CDC14B: variants seen among roughly 807,000 people sequenced by gnomAD.
CDC14B encodes cell division cycle 14B.
CDC14B carries 22 observed loss-of-function variants against 64.2 expected under a neutral mutation model. The observed-to-expected ratio is 0.34, with a 90% CI of 0.24 to 0.49. CDC14B has a LOEUF of 0.49. CDC14B is among the 20% of genes least tolerant of loss of function. CDC14B has a pLI of 0.99. For synonymous variants in CDC14B, 191 were observed against 215.8 expected (o/e 0.89, Z 1.01); for missense variants, 498 against 629.9 (o/e 0.79, Z 2.24).
chr9:96,505,600 A>G (rs1378602005), intron 13 of CDC14B, among the ~76,000 whole-genome samples: 2 of 152,130 alleles, frequency 1.3e-5, no homozygotes, highest in Non-Finnish European at 2.9e-5. Flanking sequence ...GGCCGATTCA[A>G]CGGAGCCAAT....
chr9:96,532,308 C>T (rs1373768981), intron 9 of CDC14B, among the ~76,000 whole-genome samples: 1 of 152,190 alleles, frequency 6.6e-6, no homozygotes, highest in African/African-American at 2.4e-5. Context: ...AATATATCAA[C>T]CCACTGCCTT....
At chr9:96,618,817 C>G (rs1847804419) in intron 1 of CDC14B, 1 of 334,154 alleles carries the variant, frequency 3.0e-6, no homozygotes, top group Admixed American at 4.4e-5. Context: ...GGGGCTGATT[C>G]AGAGGTTGTG....
At position 96,551,859 on chromosome 9, in the gene CDC14B, C is replaced by A; in HGVS notation, c.434G>T (p.Gly145Val). Residue 145 changes from glycine (G) to valine (V), a missense_variant, in exon 5 of 14, where the codon GGG becomes GTG. Physicochemically the swap from Gly to Val is moderately radical, Grantham distance 109. Transcript: ENST00000375241. Reference sequence around the variant, plus strand: ...TCTATATGCTTCTTCTGGGGTTCTCCCCAAATATATAACCTATGTTTGAAA... The same window carrying A: ...TCTATATGCTTCTTCTGGGGTTCTCACCAAATATATAACCTATGTTTGAAA... Reference protein sequence around the residue: ...LVGCYMVIYLGRTPEEAYRIL... With the variant: ...LVGCYMVIYLVRTPEEAYRIL... The A allele has an allele frequency of 6.2e-7, 1 of 1,608,188 alleles. No individual in the cohort carries two copies. The highest frequency in any genetic ancestry group is 1.3e-5 in the African/African-American group (1 of 74,724).
At chr9:96,508,017 T>A (rs1834397171) in intron 13 of CDC14B, among the ~76,000 whole-genome samples, 1 of 151,880 alleles carries the variant, frequency 6.6e-6, no homozygotes, top group African/African-American at 2.4e-5. Flanking sequence ...CTTCAGAATT[T>A]TTTTTTTTTC....
chr9:96,573,645 A>C (rs903331695), intron 1 of CDC14B, among the ~76,000 whole-genome samples: 1 of 152,230 alleles, frequency 6.6e-6, no homozygotes, highest in Non-Finnish European at 1.5e-5. Flanking sequence ...ATGCTAATAA[A>C]GGAATTAAAT....
chr9:96,518,918 C>T (rs545513568), intron 12 of CDC14B, among the ~76,000 whole-genome samples: 115 of 152,022 alleles, frequency 7.6e-4, no homozygotes, highest in Non-Finnish European at 1.4e-3. Flanking sequence ...GGGCAGATCA[C>T]GAGGTCAGGA....
rs1033734465 is a variant in CDC14B at position 96,619,735 on chromosome 9, A to G, written c.-357T>C. 4 of 150,766 alleles carry G rather than the reference A, an allele frequency of 2.7e-5. No homozygotes were observed. Among genetic ancestry groups the G allele is most frequent in the Admixed American group, 6.6e-5 (1 of 15,178 alleles). The allele number at this position is 150,766 out of a possible 1,614,324, so 9.3% of individuals were successfully genotyped here. A position where few individuals can be genotyped will look rare whatever the true frequency, so the allele number is the denominator to read the frequency against. On this transcript the variant is annotated 5_prime_UTR_variant, in exon 1 of 14. Transcript: ENST00000375241. ...GCTGGCGGCCGGAGCTGCCCGGGGT[A>G]ACCGTGCGTGCCCACCGCGGCCGCG...
chr9:96,594,299 A>T (rs1845942246), intron 1 of CDC14B, among the ~76,000 whole-genome samples: 1 of 152,228 alleles, frequency 6.6e-6, no homozygotes, highest in Non-Finnish European at 1.5e-5. Context: ...AAGAGCTCCC[A>T]GGACAGAGTA....
chr9:96,543,917 C>T (rs1840433156), intron 5 of CDC14B, among the ~76,000 whole-genome samples: 1 of 152,132 alleles, frequency 6.6e-6, no homozygotes, highest in African/African-American at 2.4e-5. Flanking sequence ...CTACTGTACA[C>T]TTAAGATTAG....
chr9:96,596,631 A>AG (rs1846095016), intron 1 of CDC14B, among the ~76,000 whole-genome samples: 1 of 152,048 alleles, frequency 6.6e-6, no homozygotes, highest in Non-Finnish European at 1.5e-5. Flanking sequence ...GAGGCCAAGG[A>AG]GGGGGGATTG....
chr9:96,493,703 T>C (rs565309607), intron 13 of CDC14B, among the ~76,000 whole-genome samples: 49 of 152,226 alleles, frequency 3.2e-4, no homozygotes, highest in Non-Finnish European at 6.0e-4. Flanking sequence ...CACACACCTG[T>C]AGTCATAGCT....
intron 5 of CDC14B, among the ~76,000 whole-genome samples, chr9:96,547,864 T>A (rs1160875709): frequency 6.6e-6 from 1 of 152,042 alleles, no homozygotes; most frequent in Non-Finnish European, 1.5e-5. Context: ...CTCGCTCTGT[T>A]GCCCAGGCTG....
intron 12 of CDC14B, chr9:96,514,408 C>G: frequency 7.1e-6 from 7 of 985,010 alleles, no homozygotes; most frequent in Non-Finnish European, 8.4e-6. Flanking sequence ...AAAGGTTAAT[C>G]TATCTCAGAA....
intron 1 of CDC14B, chr9:96,566,679 A>G: frequency 9.1e-6 from 12 of 1,315,052 alleles, no homozygotes; most frequent in Non-Finnish European, 1.3e-5. Context: ...CGGGGCCCAG[A>G]CTAGGGGCAC....
At chr9:96,612,218 G>C (rs530926396) in intron 1 of CDC14B, among the ~76,000 whole-genome samples, 1 of 152,192 alleles carries the variant, frequency 6.6e-6, no homozygotes, top group African/African-American at 2.4e-5. Context: ...CCCTGAGCTC[G>C]CTCTCAGAAG....
intron 12 of CDC14B, among the ~76,000 whole-genome samples, chr9:96,517,169 G>A (rs1447257920): frequency 4.7e-5 from 7 of 149,976 alleles, no homozygotes; most frequent in East Asian, 2.1e-4. Flanking sequence ...GTGAAACCCC[G>A]TCTCTACTAA....
rs202100537 is a variant in CDC14B, at chr9:96,587,546, T to TCA, written c.161-22065_161-22064dup. 6.5e-3 allele frequency among the ~76,000 whole-genome samples: 995 copies of TCA among 152,270 alleles called. 11 individuals are homozygous for TCA. The highest frequency in any genetic ancestry group is 0.023 in the African/African-American group (944 of 41,548). On this transcript the variant is annotated intron_variant, in intron 1 of 13. Transcript: ENST00000375241. ...TACACTTGGCCCTGCACTGCTGAGC[T>TCA]CACACCAGACACTCAGCTAATGCCT...
In CDC14B at chr9:96,515,622, G is replaced by C; in HGVS notation, c.1344-5833C>G. ...ACACTAGGCACCAGAAGTAAGCAAC[G>C]GCAGAGAAACAGAACGGGACACTTA... is the stretch of plus-strand genomic sequence containing the variant. On this transcript the variant is annotated intron_variant, in intron 12 of 13. Coordinates refer to ENST00000375241, the MANE Select transcript of CDC14B (RefSeq NM_033331.4). The surrounding 1 kb of genome is among the most constrained non-coding windows in gnomAD (Gnocchi z 4.3). 1 of 1,542,974 alleles carries C rather than the reference G, an allele frequency of 6.5e-7. No individual in the cohort carries two copies. The highest frequency in any genetic ancestry group is 2.0e-5 in the Admixed American group (1 of 50,288).
rs369663439 is a variant in CDC14B, at chr9:96,539,139, G to A, written c.566C>T (p.Ala189Val). 67 of 1,598,402 alleles carry A rather than the reference G, an allele frequency of 4.2e-5. No homozygotes were observed. The East Asian group carries it at 4.9e-4, about 12-fold the overall frequency. ...GAAATTAAGGAAGCCATACTGCATT[G>A]CCTAAAATCCAAAAGAAAGCTTTTA... ...LLDCFHAVKKAMQYGFLNFNS... is the reference protein window; with the variant it reads ...LLDCFHAVKKVMQYGFLNFNS... Residue 189 changes from alanine (A) to valine (V), a missense_variant and splice_region_variant, in exon 7 of 14, where the codon GCA (alanine) becomes GTA (valine). Transcript: ENST00000375241.
Sources: gnomAD v4.1 joint callset for allele counts (sites outside exome capture counted in the v4.1 genomes callset) on GRCh38, gnomAD v4.1.1 for gene constraint, Gnocchi (gnomAD v3.1) non-coding constraint, MANE v1.5 for transcripts, NCBI Gene and HGNC (gene_info 2026-07-23, HGNC 2026-07-21) for gene names.